The following KIF6 variants were observed in gnomAD, a reference collection of about 807,000 sequenced individuals.
KIF6 encodes the protein kinesin-like protein KIF6.
Under a neutral mutation model 112.7 loss-of-function variants are expected in KIF6, and 106 were observed. That is an observed-to-expected ratio of 0.94 (90% confidence interval 0.80 to 1.11). The LOEUF (loss-of-function observed/expected upper bound fraction) is 1.11. Among genes scored for constraint, KIF6 ranks in the 50% least tolerant of loss-of-function variants. The pLI is 0.00. For synonymous variants in KIF6, 339 were observed against 339.9 expected, an observed-to-expected ratio of 1.00 and a Z score of 0.03; for missense variants, 929 against 964.0, an observed-to-expected ratio of 0.96 and a Z score of 0.48.
chr6:39,414,886 C>A (rs1769789544), intron 15 of KIF6, among the ~76,000 whole-genome samples: 1 of 151,784 alleles, frequency 6.6e-6, no homozygotes, highest in African/African-American at 2.4e-5. Context: ...TTCACTGCAA[C>A]TCATTGAAAA....
chr6:39,470,971 T>C (rs567257519), intron 13 of KIF6, among the ~76,000 whole-genome samples: 6 of 152,210 alleles, frequency 3.9e-5, no homozygotes, highest in African/African-American at 1.4e-4. Flanking sequence ...ATAATAAAAC[T>C]TAACATTGAG....
chr6:39,621,225 ACACACACG>A (rs1455466759), intron 5 of KIF6, among the ~76,000 whole-genome samples: 40 of 139,514 alleles, frequency 2.9e-4, no homozygotes, highest in East Asian at 2.7e-3. Context: ...ACACACACAC[ACACACACG>A]TACACATATA....
At chr6:39,666,688 A>C (rs554796677) in intron 3 of KIF6, among the ~76,000 whole-genome samples, 2 of 152,274 alleles carry the variant, frequency 1.3e-5, no homozygotes, top group African/African-American at 4.8e-5. Flanking sequence ...CTGACAAAGG[A>C]TGTTTTTTGA....
intron 15 of KIF6, among the ~76,000 whole-genome samples, chr6:39,398,614 G>A (rs1482910122): frequency 6.6e-6 from 1 of 152,178 alleles, no homozygotes; most frequent in Non-Finnish European, 1.5e-5. Context: ...TATTTTGGGG[G>A]AAGCTCTAAA....
intron 13 of KIF6, among the ~76,000 whole-genome samples, chr6:39,476,418 T>G (rs1774431611): frequency 6.6e-6 from 1 of 152,126 alleles, no homozygotes; most frequent in South Asian, 2.1e-4. Context: ...TCAAGCATGC[T>G]TTGCTTGTGG....
intron 13 of KIF6, among the ~76,000 whole-genome samples, chr6:39,510,512 C>T (rs1022144441): frequency 2.0e-5 from 3 of 152,068 alleles, no homozygotes; most frequent in Non-Finnish European, 4.4e-5. Flanking sequence ...ATTTTGTCAC[C>T]ACCAAGCCTT....
intron 3 of KIF6, among the ~76,000 whole-genome samples, chr6:39,700,381 A>G (rs1359740039): frequency 6.6e-6 from 1 of 152,236 alleles, no homozygotes; most frequent in Non-Finnish European, 1.5e-5. Flanking sequence ...TTCGAAATGT[A>G]AGTTTTAGTA....
chr6:39,511,018 C>T (rs1345176431), intron 13 of KIF6, among the ~76,000 whole-genome samples: 1 of 151,926 alleles, frequency 6.6e-6, no homozygotes, highest in Non-Finnish European at 1.5e-5. Context: ...GCTAACTATC[C>T]TAAATATATA....
chr6:39,462,528 G>C (rs1414806874), intron 13 of KIF6, among the ~76,000 whole-genome samples: 1 of 152,138 alleles, frequency 6.6e-6, no homozygotes, highest in East Asian at 1.9e-4. Flanking sequence ...AACACTTGTA[G>C]CTGAAAGCAT....
intron 22 of KIF6, 25 bp from the exon 23 acceptor site, chr6:39,336,573 G>A (rs758247829): frequency 6.2e-7 from 1 of 1,613,198 alleles, no homozygotes; most frequent in Admixed American, 1.7e-5. Flanking sequence ...GGATGCTTTT[G>A]GTTAGGCTGT....
At chr6:39,484,585 A>G (rs1197789130) in intron 13 of KIF6, among the ~76,000 whole-genome samples, 1 of 152,224 alleles carries the variant, frequency 6.6e-6, no homozygotes, top group African/African-American at 2.4e-5. Context: ...AATGCCCCTT[A>G]AAGACTTTGA....
At chr6:39,571,656 A>C (rs994524274) in intron 10 of KIF6, among the ~76,000 whole-genome samples, 8 of 152,206 alleles carry the variant, frequency 5.3e-5, no homozygotes, top group African/African-American at 1.4e-4. Context: ...ACCACAATTC[A>C]TTTCCTAGAT....
Position 39,374,280 on chromosome 6 carries a change from A to C in KIF6, c.1861+11342T>G, listed in dbSNP as rs76572686. 5.1e-3 allele frequency among the ~76,000 whole-genome samples: 772 copies of C among 152,262 alleles called. 10 individuals carry two copies. Among genetic ancestry groups the C allele is most frequent in the African/African-American group, 0.018 (732 of 41,540 alleles). On this transcript the variant is annotated intron_variant, in intron 16 of 22. Coordinates refer to ENST00000287152, the MANE Select transcript of KIF6 (RefSeq NM_145027.6). The stretch of plus-strand genomic sequence containing the variant: ...TCTGAAACTGTAAAACTACCAGAAA[A>C]AAACATAAGGGGAATAGTTCAACAA...
At chr6:39,521,105 T>G (rs1777373559) in intron 13 of KIF6, among the ~76,000 whole-genome samples, 1 of 152,202 alleles carries the variant, frequency 6.6e-6, no homozygotes. Flanking sequence ...CTGATTGGAA[T>G]TCTCAAACTC....
intron 13 of KIF6, among the ~76,000 whole-genome samples, chr6:39,520,800 G>A (rs914808757): frequency 5.3e-5 from 8 of 151,998 alleles, no homozygotes; most frequent in African/African-American, 1.9e-4. Flanking sequence ...TGGGCTTTTC[G>A]GTCACACTCA....
chr6:39,554,957 G>A (rs1304241791), intron 10 of KIF6: 3 of 178,506 alleles, frequency 1.7e-5, no homozygotes, highest in Non-Finnish European at 3.6e-5. Context: ...ACAGGGACAT[G>A]TCCTGTGTGG....
intron 3 of KIF6, among the ~76,000 whole-genome samples, chr6:39,662,039 T>C (rs938015634): frequency 6.6e-6 from 1 of 152,222 alleles, no homozygotes; most frequent in African/African-American, 2.4e-5. Context: ...ACCCATACTC[T>C]TAATAACATT....
chr6:39,556,628 G>T (rs1779724477), intron 10 of KIF6, among the ~76,000 whole-genome samples: 1 of 151,402 alleles, frequency 6.6e-6, no homozygotes. Flanking sequence ...AGGAATGAGA[G>T]GCAAGACGGC....
At chr6:39,659,812 A>G (rs934731239) in intron 3 of KIF6, among the ~76,000 whole-genome samples, 3 of 152,176 alleles carry the variant, frequency 2.0e-5, no homozygotes, top group African/African-American at 7.2e-5. Flanking sequence ...AGTTTTGTGT[A>G]TTTCTTCACA....
Sources: allele counts gnomAD v4.1 joint callset (sites outside exome capture counted in the v4.1 genomes callset), GRCh38; gene constraint gnomAD v4.1.1; transcripts MANE v1.5; gene names NCBI Gene and HGNC (gene_info 2026-07-23, HGNC 2026-07-21).